The following MAST4 variants were observed in gnomAD, a reference collection of about 807,000 sequenced individuals.
MAST4 encodes microtubule associated serine/threonine kinase family member 4.
MAST4 carries 89 observed loss-of-function variants against 162.7 expected under a neutral mutation model. The ratio of observed to expected loss-of-function variants is 0.55; its 90% CI spans 0.46 to 0.65. The LOEUF is 0.65. MAST4 is among the 30% of genes least tolerant of loss of function. The probability of loss-of-function intolerance (pLI) is 0.00; values close to 1 mark genes in which losing one functional copy is unlikely to be tolerated. For synonymous variants in MAST4, 1,479 were observed against 1,361.1 expected, an observed-to-expected ratio of 1.09 and a Z score of -1.91; for missense variants, 3,153 against 3,374.0, an observed-to-expected ratio of 0.93 and a Z score of 1.62.
At position 66,849,990 on chromosome 5, in the gene MAST4, G is replaced by C. The variant is rs527898599; in HGVS notation, c.643-49961G>C. Among the ~76,000 whole-genome samples the C allele has an allele frequency of 2.2e-4, 34 of 152,306 alleles. No homozygotes were observed. The South Asian group carries it at 7.0e-3, about 32-fold the overall frequency. On this transcript the variant is annotated intron_variant, in intron 3 of 28. Coordinates refer to ENST00000403625, the MANE Select transcript of MAST4 (RefSeq NM_001164664.2). Reference sequence around the variant, plus strand: ...CACAGGCATGAGGCAATTATTTATAGTGGTTACATCAGCCAGAATAAAGAT... The same window carrying C: ...CACAGGCATGAGGCAATTATTTATACTGGTTACATCAGCCAGAATAAAGAT...
chr5:67,134,764 G>A (rs1769407394), intron 18 of MAST4, 76 bp downstream of exon 18: 1 of 1,191,404 alleles, frequency 8.4e-7, no homozygotes, highest in African/African-American at 1.5e-5. Flanking sequence ...GAGTGTCACA[G>A]TTTTTACTAC....
At chr5:66,923,501 T>A (rs556835910) in intron 4 of MAST4, among the ~76,000 whole-genome samples, 3 of 152,146 alleles carry the variant, frequency 2.0e-5, no homozygotes, top group Non-Finnish European at 4.4e-5. Context: ...ATGCAACTGG[T>A]TGGTGAGGGA....
chr5:66,616,705 A>G (rs941990043), intron 1 of MAST4, among the ~76,000 whole-genome samples: 1 of 152,230 alleles, frequency 6.6e-6, no homozygotes, highest in Non-Finnish European at 1.5e-5. Context: ...GTGTGAAGGA[A>G]CAGCCTAAGA....
intron 3 of MAST4, among the ~76,000 whole-genome samples, chr5:66,851,582 T>G (rs760876682): frequency 1.5e-4 from 23 of 152,262 alleles, no homozygotes; most frequent in Non-Finnish European, 2.8e-4. Context: ...CTTTTATTCC[T>G]TAGGAAATGA....
intron 3 of MAST4, among the ~76,000 whole-genome samples, chr5:66,836,084 T>G (rs9918110): frequency 0.24 from 36,576 of 151,948 alleles, 5,675 homozygotes; most frequent in Non-Finnish European, 0.35. Flanking sequence ...CGCCAGAGGA[T>G]TGCTTGAGCC....
chr5:67,013,652 T>G (rs997311062), intron 4 of MAST4, among the ~76,000 whole-genome samples: 19 of 151,098 alleles, frequency 1.3e-4, no homozygotes, highest in African/African-American at 4.6e-4. Flanking sequence ...ACTGGATCCA[T>G]AGCTTACATA....
intron 1 of MAST4, among the ~76,000 whole-genome samples, chr5:66,665,630 G>T (rs1747204809): frequency 6.6e-6 from 1 of 152,156 alleles, no homozygotes; most frequent in Non-Finnish European, 1.5e-5. Flanking sequence ...GACATCTCGG[G>T]ATGTCTTTAG....
At chr5:66,821,156 A>G (rs1756974986) in intron 3 of MAST4, among the ~76,000 whole-genome samples, 1 of 152,196 alleles carries the variant, frequency 6.6e-6, no homozygotes. Flanking sequence ...ACTTTGGTGT[A>G]TTATCAGTGG....
chr5:66,606,539 A>C (rs1281214057), intron 1 of MAST4, among the ~76,000 whole-genome samples: 1 of 152,188 alleles, frequency 6.6e-6, no homozygotes, highest in Non-Finnish European at 1.5e-5. Flanking sequence ...TAGCAAAATA[A>C]GTTCTGTTTT....
At chr5:67,042,833 A>C (rs996755966) in intron 4 of MAST4, among the ~76,000 whole-genome samples, 1 of 152,206 alleles carries the variant, frequency 6.6e-6, no homozygotes, top group South Asian at 2.1e-4. Flanking sequence ...TTTTTGCCAC[A>C]TGACTTCTCA....
intron 4 of MAST4, among the ~76,000 whole-genome samples, chr5:66,969,549 A>T (rs1258323057): frequency 6.6e-6 from 1 of 152,180 alleles, no homozygotes; most frequent in African/African-American, 2.4e-5. Flanking sequence ...CTTAACAGGG[A>T]GGGCATCCAG....
At chr5:66,705,791 C>A (rs1750091245) in intron 1 of MAST4, among the ~76,000 whole-genome samples, 1 of 152,018 alleles carries the variant, frequency 6.6e-6, no homozygotes, top group African/African-American at 2.4e-5. Context: ...AATTCAAAAC[C>A]CTTTTGCATA....
intron 3 of MAST4, among the ~76,000 whole-genome samples, chr5:66,879,279 A>G (rs1424267720): frequency 1.4e-3 from 2 of 1,472 alleles, no homozygotes; most frequent in African/African-American, 7.2e-3. Flanking sequence ...ACTCCGTCTC[A>G]AAAAAAAAGT....
chr5:66,615,108 A>G (rs1325196043), intron 1 of MAST4, among the ~76,000 whole-genome samples: 1 of 152,164 alleles, frequency 6.6e-6, no homozygotes, highest in Non-Finnish European at 1.5e-5. Flanking sequence ...GTTTAAACCT[A>G]CAGAAGAGAG....
intron 2 of MAST4, among the ~76,000 whole-genome samples, chr5:66,767,607 T>TAC (rs375471494): frequency 0.015 from 2,198 of 151,500 alleles, 24 homozygotes; most frequent in Middle Eastern, 0.034. Context: ...AGGATATATA[T>TAC]ACACACACAC....
chr5:67,166,765 T>G lies in MAST4; in HGVS notation c.7586T>G (p.Leu2529Arg). 1 of 1,599,978 alleles carries G rather than the reference T, an allele frequency of 6.3e-7. No individual in the cohort carries two copies. The highest frequency in any genetic ancestry group is 8.5e-7 in the Non-Finnish European group (1 of 1,173,900). Residue 2529 changes from leucine (L) to arginine (R), a missense_variant, in exon 29 of 29, where the codon CTG becomes CGG. Transcript: ENST00000403625. Reference sequence around the variant, plus strand: ...CTGCCCTCCTTCCGGGTCTCCACCCTGCCTCTGGAGTCACACCACCCCGAC... The same window carrying G: ...CTGCCCTCCTTCCGGGTCTCCACCCGGCCTCTGGAGTCACACCACCCCGAC... ...DSLPSFRVST[L>R]PLESHHPDPN...
At chr5:66,838,681 G>T (rs1481868553) in intron 3 of MAST4, among the ~76,000 whole-genome samples, 1 of 152,182 alleles carries the variant, frequency 6.6e-6, no homozygotes, top group African/African-American at 2.4e-5. Context: ...AGATATTTCT[G>T]CCGGATGGTG....
chr5:66,813,172 A>G (rs1427777960), intron 3 of MAST4, among the ~76,000 whole-genome samples: 3 of 152,244 alleles, frequency 2.0e-5, no homozygotes, highest in Admixed American at 6.5e-5. Context: ...TTAACTTTTT[A>G]TCACTTTGTG....
chr5:67,134,203 T>G (rs777376066), intron 17 of MAST4, among the ~76,000 whole-genome samples: 4 of 152,212 alleles, frequency 2.6e-5, no homozygotes, highest in Non-Finnish European at 5.9e-5. Flanking sequence ...ATTATTATTT[T>G]AAATTTAAGG....
Sources: gnomAD v4.1 joint callset for allele counts (sites outside exome capture counted in the v4.1 genomes callset) on GRCh38, gnomAD v4.1.1 for gene constraint, MANE v1.5 for transcripts, NCBI Gene and HGNC (gene_info 2026-07-23, HGNC 2026-07-21) for gene names.